CDKAL1: variants seen among roughly 807,000 people sequenced by gnomAD.
The protein encoded by CDKAL1 is CDKAL1 threonylcarbamoyladenosine tRNA methylthiotransferase.
Under a neutral mutation model 68.2 loss-of-function variants are expected in CDKAL1, and 32 were observed. That is an observed-to-expected ratio of 0.47 (90% CI 0.35 to 0.63). The LOEUF is 0.63. Among genes scored for constraint, CDKAL1 ranks in the 30% least tolerant of loss-of-function variants. CDKAL1 has a pLI of 0.00. For missense variants in CDKAL1, 606 were observed against 696.7 expected, an observed-to-expected ratio of 0.87 and a Z score of 1.47; for synonymous variants, 234 against 244.3, an observed-to-expected ratio of 0.96 and a Z score of 0.39.
chr6:20,612,268 C>T (rs1287115687), intron 4 of CDKAL1, among the ~76,000 whole-genome samples: 2 of 151,934 alleles, frequency 1.3e-5, no homozygotes, highest in African/African-American at 2.4e-5. Context: ...GATAAATACC[C>T]GTTAGTGGGA....
intron 7 of CDKAL1, among the ~76,000 whole-genome samples, chr6:20,779,608 G>A (rs572173844): frequency 3.2e-4 from 49 of 152,208 alleles, no homozygotes; most frequent in African/African-American, 1.2e-3. Context: ...TCTTTGAGAC[G>A]GAGTCTCGCT....
chr6:20,652,078 G>A (rs1288811596), intron 5 of CDKAL1, among the ~76,000 whole-genome samples: 1 of 152,158 alleles, frequency 6.6e-6, no homozygotes, highest in Non-Finnish European at 1.5e-5. Context: ...AATGAGTTAG[G>A]AAGAAATCCC....
chr6:20,915,597 T>C (rs541742943), intron 9 of CDKAL1, among the ~76,000 whole-genome samples: 8 of 152,338 alleles, frequency 5.3e-5, no homozygotes, highest in African/African-American at 1.7e-4. Flanking sequence ...TCTGGTCTGG[T>C]GTTTGACCAA....
At chr6:20,937,993 T>C (rs974065976) in intron 9 of CDKAL1, among the ~76,000 whole-genome samples, 1 of 152,272 alleles carries the variant, frequency 6.6e-6, no homozygotes, top group African/African-American at 2.4e-5. Context: ...TTACTTGTGG[T>C]GTTTGCCAGA....
intron 11 of CDKAL1, among the ~76,000 whole-genome samples, chr6:21,049,501 G>A (rs1285487183): frequency 1.3e-5 from 2 of 152,070 alleles, no homozygotes; most frequent in African/African-American, 4.8e-5. Context: ...TAAAAATTCT[G>A]TGAAATTTAA....
At chr6:21,175,827 G>T (rs1777551892) in intron 13 of CDKAL1, among the ~76,000 whole-genome samples, 1 of 152,232 alleles carries the variant, frequency 6.6e-6, no homozygotes, top group African/African-American at 2.4e-5. Context: ...TAACTTCACA[G>T]CAGGCTTCAT....
intron 7 of CDKAL1, among the ~76,000 whole-genome samples, chr6:20,768,131 G>A (rs918854729): frequency 3.3e-5 from 5 of 152,278 alleles, no homozygotes; most frequent in South Asian, 2.1e-4. Flanking sequence ...AAAAGTCAGC[G>A]CTGTGTTGGG....
At chr6:20,592,634 A>T (rs1765642407) in intron 4 of CDKAL1, among the ~76,000 whole-genome samples, 1 of 151,908 alleles carries the variant, frequency 6.6e-6, no homozygotes, top group Non-Finnish European at 1.5e-5. Flanking sequence ...ATGCCTGGCT[A>T]ATTTTTTGTA....
Position 21,211,450 on chromosome 6 carries a change from A to G in CDKAL1, c.1548+10176A>G, listed in dbSNP as rs145341089. Among the ~76,000 whole-genome samples the G allele has an allele frequency of 2.2e-3, 337 of 152,286 alleles. 2 individuals carry two copies. Among genetic ancestry groups the G allele is most frequent in the Non-Finnish European group, 1.8e-3 (121 of 68,014 alleles). On this transcript the variant is annotated intron_variant, in intron 15 of 15. Coordinates refer to ENST00000274695, the MANE Select transcript of CDKAL1 (RefSeq NM_017774.3). ...AGAGGTTTATTTCCTGCTCACACTG[A>G]GCATCTAAGATGTACCATTTAGTTT... is the stretch of plus-strand genomic sequence containing the variant.
At chr6:20,574,780 A>G (rs1179299748) in intron 4 of CDKAL1, among the ~76,000 whole-genome samples, 1 of 152,108 alleles carries the variant, frequency 6.6e-6, no homozygotes, top group Non-Finnish European at 1.5e-5. Context: ...CTTCTGTTTT[A>G]TGGTATGAAA....
chr6:20,981,039 A>G (rs1766116697), intron 10 of CDKAL1, among the ~76,000 whole-genome samples: 1 of 152,134 alleles, frequency 6.6e-6, no homozygotes, highest in African/African-American at 2.4e-5. Flanking sequence ...CCAGAAATAC[A>G]TATTATTTGA....
chr6:20,609,323 T>C (rs774145679), intron 4 of CDKAL1, among the ~76,000 whole-genome samples: 1 of 141,036 alleles, frequency 7.1e-6, no homozygotes, highest in Non-Finnish European at 1.5e-5. Flanking sequence ...CCCCCTCCTC[T>C]CTCCCTCCTC....
At chr6:20,700,237 C>T (rs1488619801) in intron 5 of CDKAL1, among the ~76,000 whole-genome samples, 3 of 151,812 alleles carry the variant, frequency 2.0e-5, no homozygotes, top group African/African-American at 7.3e-5. Flanking sequence ...TGCCTGTAAT[C>T]CCAGCTACTC....
intron 13 of CDKAL1, among the ~76,000 whole-genome samples, chr6:21,114,118 G>C (rs1260040323): frequency 6.6e-6 from 1 of 151,460 alleles, no homozygotes; most frequent in Non-Finnish European, 1.5e-5. Context: ...CGTGGTGGCC[G>C]GCGCCTGTAG....
intron 13 of CDKAL1, among the ~76,000 whole-genome samples, chr6:21,141,731 G>A (rs1185647878): frequency 6.6e-6 from 1 of 152,144 alleles, no homozygotes; most frequent in African/African-American, 2.4e-5. Flanking sequence ...ACATAAAAGG[G>A]TTAGCTCAGG....
At chr6:20,889,640 G>C (rs1761277859) in intron 9 of CDKAL1, among the ~76,000 whole-genome samples, 1 of 152,092 alleles carries the variant, frequency 6.6e-6, no homozygotes, top group South Asian at 2.1e-4. Context: ...TCTTATTTTT[G>C]TCAGGTTTGT....
chr6:21,211,346 A>G (rs1183124263), intron 15 of CDKAL1, among the ~76,000 whole-genome samples: 1 of 152,222 alleles, frequency 6.6e-6, no homozygotes, highest in Non-Finnish European at 1.5e-5. Context: ...GACATTAGAC[A>G]AGCACATATA....
chr6:20,904,640 T>G (rs1299110909), intron 9 of CDKAL1, among the ~76,000 whole-genome samples: 1 of 151,744 alleles, frequency 6.6e-6, no homozygotes, highest in Non-Finnish European at 1.5e-5. Context: ...AAATACAAAA[T>G]TAGACAGGTG....
intron 5 of CDKAL1, among the ~76,000 whole-genome samples, chr6:20,670,997 T>C (rs1423847829): frequency 6.6e-6 from 1 of 152,174 alleles, no homozygotes; most frequent in Admixed American, 6.5e-5. Context: ...GAACTTTTGC[T>C]TATTGATTTT....
Sources: gnomAD v4.1 joint callset for allele counts (sites outside exome capture counted in the v4.1 genomes callset) on GRCh38, gnomAD v4.1.1 for gene constraint, MANE v1.5 for transcripts, NCBI Gene and HGNC (gene_info 2026-07-23, HGNC 2026-07-21) for gene names.